Variants in CMTM4 observed in about 807,000 individuals in gnomAD.
CMTM4 encodes CKLF-like MARVEL transmembrane domain-containing protein 4.
Under a neutral mutation model 19.0 loss-of-function variants are expected in CMTM4, and 8 were observed. The observed-to-expected ratio is 0.42, with a 90% confidence interval of 0.25 to 0.76. CMTM4 has a LOEUF of 0.76. Ranked by LOEUF, CMTM4 falls within the 30% of genes least tolerant of loss-of-function variation. The pLI is 0.27. For synonymous variants in CMTM4, 106 were observed against 121.1 expected, an observed-to-expected ratio of 0.88 and a Z score of 0.82; for missense variants, 228 against 290.2, an observed-to-expected ratio of 0.79 and a Z score of 1.56.
At chr16:66,636,298 G>C in intron 2 of CMTM4, 107 bp downstream of exon 2, 1 of 796,840 alleles carries the variant, frequency 1.3e-6, no homozygotes, top group Non-Finnish European at 1.9e-6. Flanking sequence ...GAATATTTAA[G>C]GATCAAAATG....
chr16:66,604,793 C>T, the CMTM4 span: 2 of 1,231,916 alleles, frequency 1.6e-6, no homozygotes, highest in South Asian at 3.5e-5. Context: ...CCGGCCCTAC[C>T]GCCGCCGCCG....
intron 1 of CMTM4, among the ~76,000 whole-genome samples, chr16:66,655,581 A>T (rs940243502): frequency 6.7e-5 from 10 of 150,108 alleles, no homozygotes; most frequent in African/African-American, 2.4e-4. Flanking sequence ...ATATATGTGT[A>T]TATATGTATT....
At position 66,618,597 on chromosome 16, in the gene CMTM4, G is replaced by A. The variant is rs2015569968; in HGVS notation, c.*3461C>T. On this transcript the variant is annotated 3_prime_UTR_variant, in exon 4 of 4. Transcript: ENST00000394106. ...ACACGCAGGACATGGCACCCACTAGGGTTGTTCAGGTCTCATTCACTGCAA... is the reference window on the plus strand; with the variant it reads ...ACACGCAGGACATGGCACCCACTAGAGTTGTTCAGGTCTCATTCACTGCAA... The A allele has an allele frequency of 1.0e-6, 1 of 985,350 alleles. No homozygotes were observed. The highest frequency in any genetic ancestry group is 1.2e-6 in the Non-Finnish European group (1 of 829,960). The allele number at this position is 985,350 out of a possible 1,614,324, so 61.0% of individuals were successfully genotyped here. A position where few individuals can be genotyped will look rare whatever the true frequency, so the allele number is the denominator to read the frequency against.
downstream of CMTM4, among the ~76,000 whole-genome samples, chr16:66,610,603 A>G (rs2015339844): frequency 6.6e-6 from 1 of 152,108 alleles, no homozygotes; most frequent in Non-Finnish European, 1.5e-5. The surrounding 1 kb of genome is among the most constrained non-coding windows in gnomAD (Gnocchi z 4.6). Flanking sequence ...ATGGCAGTAG[A>G]GGAGTGTGCA....
chr16:66,613,142 G>A (rs2015447418), downstream of CMTM4: 1 of 702,956 alleles, frequency 1.4e-6, no homozygotes, highest in East Asian at 2.7e-5. Context: ...AGAATCTTTG[G>A]TTCAAGGAGC....
chr16:66,674,618 C>A (rs536253849), intron 1 of CMTM4, among the ~76,000 whole-genome samples: 1 of 151,820 alleles, frequency 6.6e-6, no homozygotes, highest in Non-Finnish European at 1.5e-5. Flanking sequence ...ATGCTCTCAT[C>A]GAAACGAGTC....
At chr16:66,631,386 A>C (rs1442682508) in intron 2 of CMTM4, among the ~76,000 whole-genome samples, 1 of 150,898 alleles carries the variant, frequency 6.6e-6, no homozygotes, top group Non-Finnish European at 1.5e-5. Context: ...CCTACTGGGA[A>C]GTGAGGAGCC....
intron 1 of CMTM4, among the ~76,000 whole-genome samples, chr16:66,640,090 G>A (rs868178407): frequency 3.3e-5 from 5 of 152,152 alleles, no homozygotes; most frequent in South Asian, 2.1e-4. Context: ...ATGGGAGGCC[G>A]AGGCGGGTGG....
chr16:66,636,992 C>T (rs563660062), intron 1 of CMTM4, among the ~76,000 whole-genome samples: 3 of 152,164 alleles, frequency 2.0e-5, no homozygotes, highest in Non-Finnish European at 4.4e-5. Context: ...ATCCCAAACA[C>T]TGGGAGAGCA....
chr16:66,598,598 C>T, the CMTM4 span, among the ~76,000 whole-genome samples: 1 of 152,140 alleles, frequency 6.6e-6, no homozygotes, highest in Non-Finnish European at 1.5e-5. Context: ...AGGCAACCAC[C>T]GATCTGATTT....
chr16:66,611,793 G>A (rs1431223416), downstream of CMTM4, among the ~76,000 whole-genome samples: 1 of 152,114 alleles, frequency 6.6e-6, no homozygotes, highest in Non-Finnish European at 1.5e-5. Context: ...TCATAGGCAG[G>A]CCCTTACCAT....
At chr16:66,653,145 C>T (rs1284713842) in intron 1 of CMTM4, among the ~76,000 whole-genome samples, 1 of 152,180 alleles carries the variant, frequency 6.6e-6, no homozygotes, top group East Asian at 1.9e-4. Flanking sequence ...TTTCCTTCCT[C>T]TTCCTGCTTT....
At chr16:66,612,749 T>TGCGGACACAGCAGGCCCCC (rs2015430373), downstream of CMTM4, 3 of 1,061,926 alleles carry the variant, frequency 2.8e-6, no homozygotes. The surrounding 1 kb of genome is among the most constrained non-coding windows in gnomAD (Gnocchi z 6.0). Flanking sequence ...CAGAGGGGGC[T>TGCGGACACAGCAGGCCCCC]GCGGACACAG....
intron 1 of CMTM4, among the ~76,000 whole-genome samples, chr16:66,695,361 G>GAA (rs1466378166): frequency 6.6e-6 from 1 of 151,420 alleles, no homozygotes; most frequent in Non-Finnish European, 1.5e-5. Context: ...GAGAGAGAGA[G>GAA]AACAAGAACA....
the CMTM4 span, among the ~76,000 whole-genome samples, chr16:66,601,367 C>T: frequency 2.6e-5 from 4 of 152,270 alleles, no homozygotes; most frequent in Admixed American, 2.0e-4. Flanking sequence ...GAGGTCATCC[C>T]GTTGAGTGTT....
chr16:66,651,086 TG>T (rs1247887207), intron 1 of CMTM4, among the ~76,000 whole-genome samples: 2 of 152,212 alleles, frequency 1.3e-5, no homozygotes, highest in African/African-American at 2.4e-5. Flanking sequence ...TAACGGCTGC[TG>T]GAAGACCTCA....
the CMTM4 span, chr16:66,605,327 T>G: frequency 5.9e-6 from 1 of 168,472 alleles, no homozygotes. This position sits in a 1 kb window ranked among gnomAD's most constrained non-coding sequence, Gnocchi z 4.6. Context: ...CGGGGTCCGC[T>G]TTCCTGCGAG....
chr16:66,602,331 AG>A, the CMTM4 span, among the ~76,000 whole-genome samples: 1 of 152,040 alleles, frequency 6.6e-6, no homozygotes, highest in Non-Finnish European at 1.5e-5. Flanking sequence ...TGGGAGGTGG[AG>A]GTTGCAGTGA....
chr16:66,663,776 C>T (rs1014605071), intron 1 of CMTM4, among the ~76,000 whole-genome samples: 1 of 151,844 alleles, frequency 6.6e-6, no homozygotes, highest in Admixed American at 6.6e-5. Context: ...CTCCTGACCT[C>T]GTGATCCACC....
Sources: gnomAD v4.1 joint callset for allele counts (sites outside exome capture counted in the v4.1 genomes callset) on GRCh38, gnomAD v4.1.1 for gene constraint, Gnocchi (gnomAD v3.1) non-coding constraint, MANE v1.5 for transcripts, NCBI Gene and HGNC (gene_info 2026-07-23, HGNC 2026-07-21) for gene names.